Variants in FNIP1 observed in about 807,000 individuals in gnomAD.
The protein encoded by FNIP1 is folliculin-interacting protein 1.
In FNIP1, 40 loss-of-function variants were observed where a neutral mutation model predicts 124.5. That is an observed-to-expected ratio of 0.32 (90% CI 0.25 to 0.42). FNIP1 has a LOEUF of 0.42. Among genes scored for constraint, FNIP1 ranks in the 10% least tolerant of loss-of-function variants. The pLI is 1.00. For synonymous variants in FNIP1, 472 were observed against 470.6 expected (o/e 1.00, Z -0.04); for missense variants, 1,176 against 1,403.7 (o/e 0.84, Z 2.59).
rs1226767721 is a variant in FNIP1, at chr5:131,672,621, C to A, written c.1823G>T (p.Cys608Phe). ...TGGATGACTGCAATATTTACAGTTA[C>A]AATTGGGAGTTCTAATTTCTTCTGA... Reference protein sequence around the residue: ...KESEEIRTPNCNCKYCSHPLL... With the variant: ...KESEEIRTPNFNCKYCSHPLL... The change falls in exon 14 of 18, where the codon TGT (cysteine) becomes TTT (phenylalanine). Residue 608 changes from cysteine to phenylalanine, a missense_variant. Physicochemically the swap from Cys to Phe is radical, Grantham distance 205. Transcript: ENST00000510461. 1 of 1,614,052 alleles carries A rather than the reference C, an allele frequency of 6.2e-7. No individual in the cohort carries two copies. The highest frequency in any genetic ancestry group is 1.3e-5 in the African/African-American group (1 of 74,922).
intron 1 of FNIP1, among the ~76,000 whole-genome samples, chr5:131,779,147 TAAAAAAA>T (rs78900804): frequency 8.1e-6 from 1 of 122,810 alleles, no homozygotes; most frequent in African/African-American, 3.0e-5. Context: ...AAAGTATAAT[TAAAAAAA>T]AAAAAAAAGA....
intron 2 of FNIP1, among the ~76,000 whole-genome samples, chr5:131,735,073 T>C (rs1461870134): frequency 6.6e-6 from 1 of 152,074 alleles, no homozygotes; most frequent in Non-Finnish European, 1.5e-5. Flanking sequence ...TGTCCAACAA[T>C]GATAGACTGG....
intron 1 of FNIP1, among the ~76,000 whole-genome samples, chr5:131,773,155 A>C (rs1373615882): frequency 1.3e-5 from 2 of 152,234 alleles, no homozygotes; most frequent in Admixed American, 1.3e-4. Context: ...TTTAGAATAC[A>C]GCTCAATGCT....
At chr5:131,730,608 T>A (rs910218710) in intron 3 of FNIP1, among the ~76,000 whole-genome samples, 1 of 152,244 alleles carries the variant, frequency 6.6e-6, no homozygotes, top group African/African-American at 2.4e-5. Context: ...ATATTTATCT[T>A]CATTTTTCAA....
chr5:131,746,529 T>A (rs1770687750), intron 1 of FNIP1, among the ~76,000 whole-genome samples: 1 of 152,202 alleles, frequency 6.6e-6, no homozygotes, highest in South Asian at 2.1e-4. Flanking sequence ...ATGCGGTATC[T>A]GATTTTCTGT....
intron 6 of FNIP1, among the ~76,000 whole-genome samples, chr5:131,712,081 T>C (rs1252369150): frequency 6.6e-6 from 1 of 152,172 alleles, no homozygotes; most frequent in Non-Finnish European, 1.5e-5. Context: ...ATCACCCTGC[T>C]TCAAAACTTA....
chr5:131,745,662 A>C (rs1262368667), intron 1 of FNIP1, among the ~76,000 whole-genome samples: 1 of 152,168 alleles, frequency 6.6e-6, no homozygotes, highest in Non-Finnish European at 1.5e-5. Context: ...AATCCCAGTA[A>C]AAATGAAGTT....
At chr5:131,767,427 C>CAAAAAAAAAAA (rs139550903) in intron 1 of FNIP1, among the ~76,000 whole-genome samples, 49 of 64,014 alleles carry the variant, frequency 7.7e-4, no homozygotes, top group African/African-American at 2.0e-3. Flanking sequence ...GATTCTGTCT[C>CAAAAAAAAAAA]AAAAAAAAAA....
At chr5:131,701,536 T>C (rs1379955695) in intron 10 of FNIP1, among the ~76,000 whole-genome samples, 9 of 152,170 alleles carry the variant, frequency 5.9e-5, no homozygotes, top group Non-Finnish European at 1.3e-4. Flanking sequence ...AAAAGGTAAA[T>C]GAAAATGGCC....
intron 3 of FNIP1, among the ~76,000 whole-genome samples, chr5:131,729,561 C>T (rs576003612): frequency 6.6e-6 from 1 of 152,272 alleles, no homozygotes; most frequent in South Asian, 2.1e-4. Flanking sequence ...CCTATTTGGC[C>T]ATCTTGCCAG....
At chr5:131,695,877 C>T (rs1024822131) in intron 11 of FNIP1, among the ~76,000 whole-genome samples, 1 of 152,202 alleles carries the variant, frequency 6.6e-6, no homozygotes, top group Non-Finnish European at 1.5e-5. Flanking sequence ...CAGAAAACCA[C>T]TTATCTTGAG....
chr5:131,719,892 G>A (rs1183372070), intron 3 of FNIP1, among the ~76,000 whole-genome samples: 2 of 152,214 alleles, frequency 1.3e-5, no homozygotes, highest in South Asian at 4.1e-4. Context: ...TATCTATTTT[G>A]TATTTCTGTA....
At chr5:131,733,258 A>G (rs1770162602) in intron 2 of FNIP1, among the ~76,000 whole-genome samples, 2 of 152,350 alleles carry the variant, frequency 1.3e-5, no homozygotes, top group East Asian at 3.9e-4. Flanking sequence ...TAGATACACA[A>G]TCATGTCATC....
chr5:131,675,925 T>C (rs1561649042), intron 13 of FNIP1, among the ~76,000 whole-genome samples: 1 of 152,204 alleles, frequency 6.6e-6, no homozygotes, highest in East Asian at 1.9e-4. Context: ...AGTGGCATGA[T>C]CTCGGCTCAT....
At chr5:131,734,385 C>T (rs1770212437) in intron 2 of FNIP1, among the ~76,000 whole-genome samples, 1 of 152,012 alleles carries the variant, frequency 6.6e-6, no homozygotes, top group South Asian at 2.1e-4. Context: ...AATTTGTTTG[C>T]TCTTGCTTCT....
chr5:131,664,484 A>G (rs1247463740), intron 15 of FNIP1, among the ~76,000 whole-genome samples: 1 of 152,078 alleles, frequency 6.6e-6, no homozygotes, highest in African/African-American at 2.4e-5. Flanking sequence ...AAAAATAAAC[A>G]CATTAGCCAG....
At chr5:131,785,248 A>G (rs1291377732) in intron 1 of FNIP1, among the ~76,000 whole-genome samples, 1 of 150,118 alleles carries the variant, frequency 6.7e-6, no homozygotes, top group African/African-American at 2.4e-5. Flanking sequence ...AACACATAAT[A>G]TTTTGAGTCA....
At chr5:131,720,337 A>T (rs1453938618) in intron 3 of FNIP1, among the ~76,000 whole-genome samples, 2 of 152,214 alleles carry the variant, frequency 1.3e-5, no homozygotes, top group African/African-American at 4.8e-5. Flanking sequence ...CATGCACAAA[A>T]ATCAACTGAA....
chr5:131,783,226 A>G (rs976904785), intron 1 of FNIP1, among the ~76,000 whole-genome samples: 8 of 152,182 alleles, frequency 5.3e-5, no homozygotes, highest in Non-Finnish European at 1.0e-4. Flanking sequence ...CTCTTCAGAA[A>G]CTGTCAAAGA....
Sources: allele counts gnomAD v4.1 joint callset (sites outside exome capture counted in the v4.1 genomes callset), GRCh38; gene constraint gnomAD v4.1.1; transcripts MANE v1.5; gene names NCBI Gene and HGNC (gene_info 2026-07-23, HGNC 2026-07-21).